Variants in SLC24A3 observed in about 807,000 individuals in gnomAD.
SLC24A3 encodes the protein solute carrier family 24 member 3.
In SLC24A3, 28 loss-of-function variants were observed where a neutral mutation model predicts 75.8. The observed-to-expected ratio is 0.37, with a 90% confidence interval of 0.27 to 0.51. SLC24A3 has a LOEUF of 0.51. Ranked by LOEUF, SLC24A3 falls within the 20% of genes least tolerant of loss-of-function variation. SLC24A3 has a pLI of 0.94. For synonymous variants in SLC24A3, 372 were observed against 334.1 expected (o/e 1.11, Z -1.24); for missense variants, 663 against 847.8 (o/e 0.78, Z 2.71).
At chr20:19,400,699 A>C (rs906283339) in intron 2 of SLC24A3, among the ~76,000 whole-genome samples, 8 of 152,060 alleles carry the variant, frequency 5.3e-5, no homozygotes, top group African/African-American at 1.7e-4. Flanking sequence ...GCATCTCCCC[A>C]GTTCAAGAAT....
rs571144692 is a variant in SLC24A3, at chr20:19,377,953, G to T, written c.271+96866G>T. Among the ~76,000 whole-genome samples, 300 of 152,302 alleles carry T rather than the reference G, an allele frequency of 2.0e-3. 4 individuals are homozygous for T. The highest frequency in any genetic ancestry group is 4.0e-3 in the Non-Finnish European group (275 of 68,012). On this transcript the variant is annotated intron_variant, in intron 2 of 16. Coordinates refer to ENST00000328041, the MANE Select transcript of SLC24A3 (RefSeq NM_020689.4). ...ATGGCCAGTCATTTATGTGTCTTCT[G>T]TGGCTGCTTTCATGCCACAGTGACA...
intron 2 of SLC24A3, among the ~76,000 whole-genome samples, chr20:19,363,648 G>A (rs1418617568): frequency 1.3e-5 from 2 of 152,254 alleles, no homozygotes; most frequent in Admixed American, 6.5e-5. Context: ...TGGGAGAGAC[G>A]CTGTGGCCAA....
intron 3 of SLC24A3, among the ~76,000 whole-genome samples, chr20:19,543,552 G>A (rs1285842549): frequency 6.6e-6 from 1 of 152,160 alleles, no homozygotes. Flanking sequence ...GCCAGGCCGG[G>A]GAGGGAGGCC....
chr20:19,320,992 A>C lies in SLC24A3; in HGVS notation c.271+39905A>C, dbSNP rs1248446223. The stretch of plus-strand genomic sequence containing the variant: ...TGAATATGTGGATATATATGTATAC[A>C]TACATACATATGCATGTATTGTGTC... On this transcript the variant is annotated intron_variant, in intron 2 of 16. Transcript: ENST00000328041. Among the ~76,000 whole-genome samples the C allele has an allele frequency of 5.3e-5, 8 of 152,280 alleles. No homozygotes were observed. In the East Asian group the frequency reaches 1.5e-3, roughly 29 times the overall value.
At chr20:19,247,450 A>C (rs988510879) in intron 1 of SLC24A3, among the ~76,000 whole-genome samples, 1 of 152,204 alleles carries the variant, frequency 6.6e-6, no homozygotes, top group Admixed American at 6.5e-5. Context: ...TTTCTCAGAA[A>C]ACTCTTTTGG....
chr20:19,555,069 G>C (rs993301046), intron 3 of SLC24A3, among the ~76,000 whole-genome samples: 1 of 152,122 alleles, frequency 6.6e-6, no homozygotes, highest in Non-Finnish European at 1.5e-5. Context: ...TTGTGGTTTC[G>C]TAAAGCCAAC....
chr20:19,608,917 A>G (rs933618174), intron 6 of SLC24A3, among the ~76,000 whole-genome samples: 1 of 152,236 alleles, frequency 6.6e-6, no homozygotes, highest in African/African-American at 2.4e-5. Context: ...TAACATTCCC[A>G]TAAAAATACA....
Position 19,227,501 on chromosome 20 carries a change from G to A in SLC24A3, c.142+14517G>A, listed in dbSNP as rs539215470. Among the ~76,000 whole-genome samples, 7 of 151,394 alleles carry A rather than the reference G, an allele frequency of 4.6e-5. No individual in the cohort carries two copies. In the South Asian group the frequency reaches 8.3e-4, roughly 18 times the overall value. On this transcript the variant is annotated intron_variant, in intron 1 of 16. Coordinates refer to ENST00000328041, the MANE Select transcript of SLC24A3 (RefSeq NM_020689.4). Reference sequence around the variant, plus strand: ...TCTTAGATTCAGGCTCTTAGTCAACGTATTTATTCACCATTTGTATGGTTT... The same window carrying A: ...TCTTAGATTCAGGCTCTTAGTCAACATATTTATTCACCATTTGTATGGTTT...
intron 2 of SLC24A3, among the ~76,000 whole-genome samples, chr20:19,328,832 C>T (rs1360244522): frequency 6.6e-6 from 1 of 152,200 alleles, no homozygotes; most frequent in African/African-American, 2.4e-5. Context: ...CTTATATTGA[C>T]AGCCATGAAG....
intron 3 of SLC24A3, among the ~76,000 whole-genome samples, chr20:19,569,705 G>C (rs2031020363): frequency 6.6e-6 from 1 of 151,812 alleles, no homozygotes; most frequent in African/African-American, 2.4e-5. Flanking sequence ...GGGTCTGGCG[G>C]CAGCTGCTTC....
intron 3 of SLC24A3, among the ~76,000 whole-genome samples, chr20:19,569,857 G>C (rs1456025992): frequency 6.6e-6 from 1 of 152,158 alleles, no homozygotes; most frequent in Non-Finnish European, 1.5e-5. Flanking sequence ...ATCTTTGCTG[G>C]TTCCCCTAAC....
chr20:19,307,794 T>C (rs1363076955), intron 2 of SLC24A3, among the ~76,000 whole-genome samples: 1 of 152,098 alleles, frequency 6.6e-6, no homozygotes, highest in African/African-American at 2.4e-5. Flanking sequence ...AGAAAAGTTT[T>C]GGCAACCAAA....
chr20:19,248,305 G>T lies in SLC24A3; in HGVS notation c.143-32654G>T, dbSNP rs536101315. Among the ~76,000 whole-genome samples, 10 of 152,172 alleles carry T rather than the reference G, an allele frequency of 6.6e-5. No individual in the cohort carries two copies. In the East Asian group the frequency reaches 1.9e-3, roughly 29 times the overall value. On this transcript the variant is annotated intron_variant, in intron 1 of 16. Transcript: ENST00000328041. ...GCATCCCGTTCATCATGCTGCAGTA[G>T]TACAGAATTGTAAACATTACCATGT...
chr20:19,504,585 A>G (rs1240366484), intron 2 of SLC24A3, among the ~76,000 whole-genome samples: 1 of 152,186 alleles, frequency 6.6e-6, no homozygotes, highest in Admixed American at 6.5e-5. Context: ...CCCTTGAGGA[A>G]CTATTTAGTG....
At chr20:19,470,575 C>T (rs540221017) in intron 2 of SLC24A3, among the ~76,000 whole-genome samples, 60 of 152,286 alleles carry the variant, frequency 3.9e-4, no homozygotes, top group African/African-American at 1.2e-3. Context: ...CACATACACT[C>T]GGGTACATGT....
intron 3 of SLC24A3, among the ~76,000 whole-genome samples, chr20:19,575,022 G>C (rs1247486347): frequency 2.0e-5 from 3 of 151,968 alleles, no homozygotes; most frequent in African/African-American, 7.3e-5. Context: ...GGCCCAAGTG[G>C]GTAGATCACT....
intron 2 of SLC24A3, among the ~76,000 whole-genome samples, chr20:19,510,650 A>C (rs888679372): frequency 5.9e-5 from 9 of 152,162 alleles, no homozygotes; most frequent in African/African-American, 2.2e-4. Context: ...TTAATGTCCA[A>C]ATAAGAGGAG....
chr20:19,546,646 A>G lies in SLC24A3; in HGVS notation c.348+31082A>G, dbSNP rs568766056. On this transcript the variant is annotated intron_variant, in intron 3 of 16. Coordinates refer to ENST00000328041, the MANE Select transcript of SLC24A3 (RefSeq NM_020689.4). Reference sequence around the variant, plus strand: ...GAAAGGGGGTGGGGGGCAGACTCGCAATTTTTAAGGTCCTTTCCAATTTGG... The same window carrying G: ...GAAAGGGGGTGGGGGGCAGACTCGCGATTTTTAAGGTCCTTTCCAATTTGG... Among the ~76,000 whole-genome samples the G allele has an allele frequency of 3.3e-5, 5 of 152,236 alleles. No homozygotes were observed. The South Asian group carries it at 1.0e-3, about 32-fold the overall frequency.
At chr20:19,275,803 G>A (rs1449092123) in intron 1 of SLC24A3, among the ~76,000 whole-genome samples, 1 of 151,992 alleles carries the variant, frequency 6.6e-6, no homozygotes, top group Non-Finnish European at 1.5e-5. Context: ...CCAACATCCC[G>A]TGCTATCCCC....
Sources: gnomAD v4.1 joint callset for allele counts (sites outside exome capture counted in the v4.1 genomes callset) on GRCh38, gnomAD v4.1.1 for gene constraint, MANE v1.5 for transcripts, NCBI Gene and HGNC (gene_info 2026-07-23, HGNC 2026-07-21) for gene names.